SH3RF3: variants seen among roughly 807,000 people sequenced by gnomAD.
SH3RF3 encodes SH3 domain containing ring finger 3, also known as E3 ubiquitin-protein ligase SH3RF3.
In SH3RF3, 29 loss-of-function variants were observed where a neutral mutation model predicts 66.3. That is an observed-to-expected ratio of 0.44 (90% CI 0.33 to 0.60). The LOEUF (loss-of-function observed/expected upper bound fraction) is 0.60, where lower values mean the gene tolerates loss of function less well. SH3RF3 is among the 20% of genes least tolerant of loss of function. The pLI, the probability that SH3RF3 is intolerant of heterozygous loss-of-function variation, is 0.04. For missense variants in SH3RF3, 1,194 were observed against 1,190.9 expected (o/e 1.00, Z -0.04); for synonymous variants, 583 against 532.0 (o/e 1.10, Z -1.32).
chr2:109,213,365 G>A (rs1010566568), intron 1 of SH3RF3, among the ~76,000 whole-genome samples: 6 of 152,170 alleles, frequency 3.9e-5, no homozygotes, highest in Admixed American at 3.3e-4. Flanking sequence ...GATAACTGCT[G>A]GGTGACAGGA....
At chr2:109,492,985 T>G (rs1679167599) in intron 9 of SH3RF3, among the ~76,000 whole-genome samples, 1 of 130,770 alleles carries the variant, frequency 7.6e-6, no homozygotes. Flanking sequence ...GGGTTCACAC[T>G]GCACACCACA....
chr2:109,210,983 A>G (rs1374312526), intron 1 of SH3RF3, among the ~76,000 whole-genome samples: 1 of 152,020 alleles, frequency 6.6e-6, no homozygotes, highest in Admixed American at 6.5e-5. Flanking sequence ...TGGGGTGCAC[A>G]CCCGCTCTGC....
intron 1 of SH3RF3, among the ~76,000 whole-genome samples, chr2:109,336,646 T>C (rs1226765077): frequency 6.6e-6 from 1 of 152,270 alleles, no homozygotes; most frequent in Admixed American, 6.5e-5. Flanking sequence ...CATTTGTTTG[T>C]TTCTCTGCAG....
intron 1 of SH3RF3, among the ~76,000 whole-genome samples, 183 bp downstream of exon 1, chr2:109,130,296 G>T (rs1208302349): frequency 6.6e-6 from 1 of 152,206 alleles, no homozygotes; most frequent in Non-Finnish European, 1.5e-5. Flanking sequence ...TGGGCAGCTC[G>T]CCGCTTGTTC....
chr2:109,288,408 T>A (rs1681088111), intron 1 of SH3RF3, among the ~76,000 whole-genome samples: 1 of 152,182 alleles, frequency 6.6e-6, no homozygotes, highest in Non-Finnish European at 1.5e-5. Context: ...AAAGGAGGCA[T>A]TTGAATGTGG....
At chr2:109,236,351 C>G (rs148174798) in intron 1 of SH3RF3, among the ~76,000 whole-genome samples, 1 of 152,096 alleles carries the variant, frequency 6.6e-6, no homozygotes, top group Non-Finnish European at 1.5e-5. Flanking sequence ...CCAGAGTGTG[C>G]GAGCATCCCA....
intron 1 of SH3RF3, among the ~76,000 whole-genome samples, chr2:109,274,244 CAT>C (rs756439100): frequency 1.3e-5 from 2 of 152,286 alleles, no homozygotes; most frequent in African/African-American, 2.4e-5. Context: ...TGGTCCTAAA[CAT>C]GTTATCATTT....
chr2:109,219,698 C>G (rs1186692682), intron 1 of SH3RF3, among the ~76,000 whole-genome samples: 1 of 152,210 alleles, frequency 6.6e-6, no homozygotes, highest in South Asian at 2.1e-4. Flanking sequence ...GCAATCTCAT[C>G]AAAAAGAATA....
At chr2:109,367,921 G>A (rs970027513) in intron 2 of SH3RF3, among the ~76,000 whole-genome samples, 2 of 152,160 alleles carry the variant, frequency 1.3e-5, no homozygotes, top group African/African-American at 4.8e-5. Flanking sequence ...ACCAAAAATG[G>A]GAAAGTGCCT....
chr2:109,344,992 G>T (rs1341093599), intron 1 of SH3RF3, among the ~76,000 whole-genome samples: 1 of 152,166 alleles, frequency 6.6e-6, no homozygotes, highest in Non-Finnish European at 1.5e-5. Flanking sequence ...GTGAAGGGGG[G>T]TGTCAGGGAG....
At chr2:109,263,247 A>G (rs973182269) in intron 1 of SH3RF3, among the ~76,000 whole-genome samples, 15 of 152,308 alleles carry the variant, frequency 9.8e-5, no homozygotes, top group Non-Finnish European at 1.9e-4. Flanking sequence ...TTGTCATTTT[A>G]TGTTGGTTTA....
At chr2:109,422,864 C>T (rs991455219) in intron 5 of SH3RF3, among the ~76,000 whole-genome samples, 5 of 152,148 alleles carry the variant, frequency 3.3e-5, no homozygotes, top group Non-Finnish European at 7.3e-5. Context: ...GGGCATAGGG[C>T]TACCCTGCAG....
At chr2:109,138,189 G>C (rs1445398442) in intron 1 of SH3RF3, among the ~76,000 whole-genome samples, 1 of 152,142 alleles carries the variant, frequency 6.6e-6, no homozygotes, top group Non-Finnish European at 1.5e-5. Flanking sequence ...CTAACGCCCG[G>C]CTAATTTTTT....
At chr2:109,489,555 G>A (rs183483599) in intron 8 of SH3RF3, among the ~76,000 whole-genome samples, 19 of 152,344 alleles carry the variant, frequency 1.2e-4, no homozygotes, top group Non-Finnish European at 2.1e-4. Flanking sequence ...AGACAATGAC[G>A]TTGCCAGGCT....
At chr2:109,176,178 A>G (rs1677908708) in intron 1 of SH3RF3, among the ~76,000 whole-genome samples, 1 of 152,210 alleles carries the variant, frequency 6.6e-6, no homozygotes, top group Non-Finnish European at 1.5e-5. Context: ...AATAACCAAC[A>G]TACAACCAGT....
At chr2:109,203,035 A>G (rs1678721030) in intron 1 of SH3RF3, among the ~76,000 whole-genome samples, 1 of 152,182 alleles carries the variant, frequency 6.6e-6, no homozygotes, top group Non-Finnish European at 1.5e-5. Context: ...CCATGGTCCT[A>G]CAGTGATTGG....
intron 2 of SH3RF3, among the ~76,000 whole-genome samples, chr2:109,353,092 C>T (rs1237698136): frequency 2.0e-5 from 3 of 152,252 alleles, no homozygotes; most frequent in Non-Finnish European, 2.9e-5. Flanking sequence ...AGCCTCTGCT[C>T]AGAGTCCTCA....
At chr2:109,466,793 GTATC>G (rs1321490286) in intron 8 of SH3RF3, among the ~76,000 whole-genome samples, 4 of 151,624 alleles carry the variant, frequency 2.6e-5, no homozygotes, top group African/African-American at 7.3e-5. Flanking sequence ...GTGCATGTGT[GTATC>G]TATATGTGTG....
intron 1 of SH3RF3, among the ~76,000 whole-genome samples, chr2:109,276,725 G>A (rs1485014594): frequency 6.6e-6 from 1 of 152,144 alleles, no homozygotes; most frequent in African/African-American, 2.4e-5. Context: ...CATTATTCCA[G>A]CTTTTGTGAT....
Sources: gnomAD v4.1 joint callset for allele counts (sites outside exome capture counted in the v4.1 genomes callset) on GRCh38, gnomAD v4.1.1 for gene constraint, MANE v1.5 for transcripts, NCBI Gene and HGNC (gene_info 2026-07-23, HGNC 2026-07-21) for gene names.